The following EGFR variants were observed in gnomAD, a reference collection of about 807,000 sequenced individuals.
The protein encoded by EGFR is epidermal growth factor receptor.
Under a neutral mutation model 143.0 loss-of-function variants are expected in EGFR, and 58 were observed. The ratio of observed to expected loss-of-function variants is 0.41; its 90% CI spans 0.33 to 0.50. EGFR has a LOEUF of 0.50. Among genes scored for constraint, EGFR ranks in the 20% least tolerant of loss-of-function variants. The pLI is 0.39. For synonymous variants in EGFR, 613 were observed against 594.4 expected, an observed-to-expected ratio of 1.03 and a Z score of -0.45; for missense variants, 1,307 against 1,579.0, an observed-to-expected ratio of 0.83 and a Z score of 2.92.
intron 1 of EGFR, among the ~76,000 whole-genome samples, chr7:55,127,229 T>C (rs990222105): frequency 6.6e-6 from 1 of 152,138 alleles, no homozygotes; most frequent in Non-Finnish European, 1.5e-5. Context: ...TTCCAGATAA[T>C]TCTGTCACAA....
intron 1 of EGFR, among the ~76,000 whole-genome samples, chr7:55,050,156 G>T (rs577477015): frequency 6.6e-6 from 1 of 152,068 alleles, no homozygotes; most frequent in Non-Finnish European, 1.5e-5. Context: ...ATACATTCAC[G>T]TTGTTCTATA....
At chr7:55,108,455 G>A (rs1792270154) in intron 1 of EGFR, among the ~76,000 whole-genome samples, 1 of 152,218 alleles carries the variant, frequency 6.6e-6, no homozygotes, top group African/African-American at 2.4e-5. Context: ...CACATTTTTA[G>A]GTACTTGAGT....
intron 18 of EGFR, 141 bp downstream of exon 18, chr7:55,174,184 T>G: frequency 7.9e-7 from 1 of 1,269,942 alleles, no homozygotes; most frequent in Non-Finnish European, 1.1e-6. Flanking sequence ...AACTCCAGTG[T>G]TTTTCCCAAG....
intron 15 of EGFR, among the ~76,000 whole-genome samples, chr7:55,168,238 T>C (rs1198055855): frequency 6.6e-6 from 1 of 152,246 alleles, no homozygotes; most frequent in Admixed American, 6.5e-5. Flanking sequence ...AACAGAATTA[T>C]ATTATCTGTA....
At chr7:55,019,399 C>A (rs920425547) in intron 1 of EGFR, 34 bp downstream of exon 1, 1 of 1,345,456 alleles carries the variant, frequency 7.4e-7, no homozygotes, top group Non-Finnish European at 9.7e-7. Flanking sequence ...CCGCGCCGCC[C>A]CCGGATCGCG....
At chr7:55,157,838 G>A in intron 11 of EGFR, 85 bp downstream of exon 11, 1 of 1,339,152 alleles carries the variant, frequency 7.5e-7, no homozygotes, top group South Asian at 1.2e-5. Flanking sequence ...TGCTAAGATA[G>A]GGCACAGAGC....
chr7:55,181,060 A>C, intron 19 of EGFR: 1 of 602,148 alleles, frequency 1.7e-6, no homozygotes, highest in East Asian at 2.8e-5. Context: ...CCTCTCTGTC[A>C]TGGGGAATCC....
intron 1 of EGFR, among the ~76,000 whole-genome samples, chr7:55,080,956 G>C (rs1209490871): frequency 6.6e-6 from 1 of 152,172 alleles, no homozygotes; most frequent in Non-Finnish European, 1.5e-5. Context: ...CAGGACGTAT[G>C]GGTGCCAGTC....
intron 19 of EGFR, among the ~76,000 whole-genome samples, chr7:55,175,743 C>T (rs1312744149): frequency 2.6e-5 from 4 of 152,278 alleles, no homozygotes; most frequent in Non-Finnish European, 4.4e-5. Flanking sequence ...TAATATCCTC[C>T]GCCTCATGTC....
At chr7:55,169,307 G>T (rs1203371633) in intron 15 of EGFR, among the ~76,000 whole-genome samples, 1 of 152,028 alleles carries the variant, frequency 6.6e-6, no homozygotes, top group Non-Finnish European at 1.5e-5. Context: ...CACCATGTTG[G>T]CCAGGCTTGT....
rs183856062 is a variant in EGFR, at chr7:55,161,839, G to T, written c.1631+208G>T. ...TTTAAGCACAATAGGAAATAAGCAAGTATTATTGCCTAATATAATCCAATA... is the reference window on the plus strand; with the variant it reads ...TTTAAGCACAATAGGAAATAAGCAATTATTATTGCCTAATATAATCCAATA... On this transcript the variant is annotated intron_variant, in intron 13 of 27. Transcript: ENST00000275493. Among the ~76,000 whole-genome samples, 3 of 152,300 alleles carry T rather than the reference G, an allele frequency of 2.0e-5. No homozygotes were observed. In the East Asian group the frequency reaches 5.8e-4, roughly 29 times the overall value.
intron 1 of EGFR, among the ~76,000 whole-genome samples, chr7:55,136,168 G>C (rs17336275): frequency 1.3e-5 from 2 of 152,048 alleles, no homozygotes; most frequent in African/African-American, 4.8e-5. Flanking sequence ...TGAAACCTCT[G>C]GCAAACTCGC....
chr7:55,028,315 G>T (rs1187391680), intron 1 of EGFR, among the ~76,000 whole-genome samples: 1 of 152,040 alleles, frequency 6.6e-6, no homozygotes, highest in Non-Finnish European at 1.5e-5. Context: ...ACTGGCATTT[G>T]TATGTGAAAA....
chr7:55,183,282 G>A (rs890318391), intron 20 of EGFR, among the ~76,000 whole-genome samples: 4 of 152,186 alleles, frequency 2.6e-5, no homozygotes, highest in Non-Finnish European at 5.9e-5. Context: ...TGACAGATAT[G>A]TGAAGTGGTA....
At chr7:55,157,419 A>AG (rs1491516373) in intron 10 of EGFR, among the ~76,000 whole-genome samples, 5 of 145,718 alleles carry the variant, frequency 3.4e-5, no homozygotes, top group Non-Finnish European at 7.4e-5. Flanking sequence ...GGCCACAGCC[A>AG]GGGGGGCGGC....
chr7:55,192,020 G>T, intron 21 of EGFR, 146 bp downstream of exon 21: 1 of 1,279,420 alleles, frequency 7.8e-7, no homozygotes. Context: ...GCTGGCAGCT[G>T]GGTCCAGCCA....
At chr7:55,117,695 G>T (rs569073844) in intron 1 of EGFR, among the ~76,000 whole-genome samples, 7 of 152,326 alleles carry the variant, frequency 4.6e-5, no homozygotes, top group African/African-American at 1.7e-4. Flanking sequence ...ACCCTGTGCA[G>T]AGTGCCCTCA....
chr7:55,115,943 C>T (rs1399550169), intron 1 of EGFR, among the ~76,000 whole-genome samples: 1 of 152,182 alleles, frequency 6.6e-6, no homozygotes, highest in Non-Finnish European at 1.5e-5. Flanking sequence ...AGCCATGCTT[C>T]CCATGTAACT....
chr7:55,022,579 T>C (rs970738222), intron 1 of EGFR, among the ~76,000 whole-genome samples: 1 of 152,186 alleles, frequency 6.6e-6, no homozygotes, highest in Non-Finnish European at 1.5e-5. Context: ...GTGCATAGAA[T>C]ATGCTAGATA....
Sources: gnomAD v4.1 joint callset for allele counts (sites outside exome capture counted in the v4.1 genomes callset) on GRCh38, gnomAD v4.1.1 for gene constraint, MANE v1.5 for transcripts, NCBI Gene and HGNC (gene_info 2026-07-23, HGNC 2026-07-21) for gene names.